Variants in CDK17 observed in about 807,000 individuals in gnomAD.
CDK17 encodes cyclin dependent kinase 17.
In CDK17, 24 loss-of-function variants were observed where a neutral mutation model predicts 77.6. The observed-to-expected ratio is 0.31, with a 90% confidence interval of 0.22 to 0.44. The LOEUF (loss-of-function observed/expected upper bound fraction) is 0.44, where lower values mean the gene tolerates loss of function less well. CDK17 is among the 20% of genes least tolerant of loss of function. The pLI, the probability that CDK17 is intolerant of heterozygous loss-of-function variation, is 1.00. For synonymous variants in CDK17, 203 were observed against 210.4 expected, an observed-to-expected ratio of 0.96 and a Z score of 0.30; for missense variants, 429 against 622.5, an observed-to-expected ratio of 0.69 and a Z score of 3.31.
chr12:96,310,991 C>T, intron 5 of CDK17, 61 bp downstream of exon 5: 1 of 1,509,214 alleles, frequency 6.6e-7, no homozygotes, highest in Non-Finnish European at 8.8e-7. Context: ...ATGTTTACAC[C>T]CAGAAGCAGC....
intron 5 of CDK17, among the ~76,000 whole-genome samples, chr12:96,310,761 T>G (rs576182128): frequency 6.6e-6 from 1 of 150,600 alleles, no homozygotes; most frequent in African/African-American, 2.4e-5. Context: ...CCAGCACATA[T>G]CTAGTGTATC....
intron 9 of CDK17, among the ~76,000 whole-genome samples, chr12:96,296,975 A>T (rs1166669877): frequency 6.6e-6 from 1 of 150,518 alleles, no homozygotes; most frequent in Non-Finnish European, 1.5e-5. Context: ...TTTATTTTGA[A>T]TTTTTTTTTT....
At chr12:96,341,273 T>C (rs1953117489) in intron 1 of CDK17, among the ~76,000 whole-genome samples, 1 of 152,008 alleles carries the variant, frequency 6.6e-6, no homozygotes, top group Admixed American at 6.6e-5. Flanking sequence ...TTTCTGACTC[T>C]ATTCCTCTAT....
At chr12:96,387,612 G>A (rs1445599942) in intron 1 of CDK17, among the ~76,000 whole-genome samples, 1 of 152,130 alleles carries the variant, frequency 6.6e-6, no homozygotes, top group Non-Finnish European at 1.5e-5. Flanking sequence ...TCTTTTGATG[G>A]GTAAACTTTA....
At chr12:96,336,185 G>T (rs1953038294) in intron 1 of CDK17, among the ~76,000 whole-genome samples, 2 of 152,022 alleles carry the variant, frequency 1.3e-5, no homozygotes, top group Non-Finnish European at 2.9e-5. Context: ...AAACCAGCTG[G>T]GCATAGTAGC....
chr12:96,300,196 G>A, intron 6 of CDK17, 108 bp downstream of exon 6: 1 of 747,316 alleles, frequency 1.3e-6, no homozygotes, highest in Non-Finnish European at 2.4e-6. Flanking sequence ...TAATCTTGTA[G>A]ACATCAGTAC....
intron 1 of CDK17, among the ~76,000 whole-genome samples, chr12:96,372,011 T>TG (rs1953703159): frequency 0.044 from 402 of 9,162 alleles, 1 homozygote; most frequent in African/African-American, 0.062. Context: ...GAGTGTGTGT[T>TG]TGTGTGTGTG....
chr12:96,353,615 C>T (rs956993416), intron 1 of CDK17, among the ~76,000 whole-genome samples: 5 of 127,486 alleles, frequency 3.9e-5, no homozygotes, highest in Admixed American at 1.8e-4. Context: ...CGGGGGGGGG[C>T]GCGGGTACAA....
chr12:96,286,813 G>T, intron 11 of CDK17, 52 bp from the exon 12 acceptor site: 1 of 1,445,994 alleles, frequency 6.9e-7, no homozygotes, highest in Non-Finnish European at 9.6e-7. Flanking sequence ...ATATTATGAA[G>T]CACAAGAATC....
chr12:96,313,487 C>A, intron 3 of CDK17, 33 bp from the exon 4 acceptor site: 1 of 1,219,116 alleles, frequency 8.2e-7, no homozygotes, highest in Middle Eastern at 2.1e-4. Context: ...AAAAGAGATA[C>A]ATTATATTCT....
Position 96,316,679 on chromosome 12 carries a change from A to AC in CDK17, c.284-3226dup, listed in dbSNP as rs1168145268. ...CCCCCGAGCAGCCTAACTGTGAGGC[A>AC]CCCCCCAGCAGGGGCACACTGACAC... is the stretch of plus-strand genomic sequence containing the variant. On this transcript the variant is annotated intron_variant, in intron 3 of 16. Coordinates refer to ENST00000261211, the MANE Select transcript of CDK17 (RefSeq NM_002595.5). Among the ~76,000 whole-genome samples the AC allele has an allele frequency of 6.3e-5, 8 of 126,558 alleles. 2 individuals are homozygous for AC. The East Asian group carries it at 1.2e-3, about 19-fold the overall frequency. 83.0% of individuals were successfully genotyped at this position (126,558 alleles called of 152,430 possible).
chr12:96,309,359 T>TTG (rs1952618011), intron 5 of CDK17, among the ~76,000 whole-genome samples: 1 of 152,254 alleles, frequency 6.6e-6, no homozygotes, highest in Admixed American at 6.5e-5. Context: ...AGCTTGTGAT[T>TTG]TGCCAAGGCA....
intron 3 of CDK17, 59 bp from the exon 4 acceptor site, chr12:96,313,513 A>G: frequency 1.0e-6 from 1 of 982,030 alleles, no homozygotes; most frequent in Non-Finnish European, 1.4e-6. Context: ...ATAATTTATT[A>G]TCACTATGGG....
chr12:96,383,297 TA>T (rs1282305905), intron 1 of CDK17, among the ~76,000 whole-genome samples: 2 of 151,688 alleles, frequency 1.3e-5, no homozygotes, highest in African/African-American at 2.4e-5. Context: ...CCATGGTCAT[TA>T]ATTAGAAGAA....
At chr12:96,363,576 G>A (rs1592754556) in intron 1 of CDK17, among the ~76,000 whole-genome samples, 1 of 152,090 alleles carries the variant, frequency 6.6e-6, no homozygotes, top group Admixed American at 6.6e-5. Flanking sequence ...GGCCAGGTGT[G>A]GTGGCTCATG....
chr12:96,399,223 G>C (rs750804795), intron 1 of CDK17: 1 of 152,330 alleles, frequency 6.6e-6, no homozygotes, highest in Non-Finnish European at 1.5e-5. Context: ...CAAAAGCATC[G>C]GGCATAGCAT....
At chr12:96,326,298 T>G (rs1377993805) in intron 2 of CDK17, among the ~76,000 whole-genome samples, 1 of 152,004 alleles carries the variant, frequency 6.6e-6, no homozygotes, top group Non-Finnish European at 1.5e-5. Flanking sequence ...GATCTCAGAG[T>G]GCATAAAACC....
chr12:96,281,599 C>T (rs1196888440), intron 15 of CDK17: 2 of 152,284 alleles, frequency 1.3e-5, no homozygotes, highest in African/African-American at 4.8e-5. Flanking sequence ...GAACTCCTGA[C>T]CTCGTGATCC....
At chr12:96,389,679 A>G (rs1050470483) in intron 1 of CDK17, among the ~76,000 whole-genome samples, 3 of 152,226 alleles carry the variant, frequency 2.0e-5, no homozygotes, top group Non-Finnish European at 4.4e-5. Flanking sequence ...GGAATTTAAA[A>G]AGGCACTGAC....
Sources: gnomAD v4.1 joint callset for allele counts (sites outside exome capture counted in the v4.1 genomes callset) on GRCh38, gnomAD v4.1.1 for gene constraint, MANE v1.5 for transcripts, NCBI Gene and HGNC (gene_info 2026-07-23, HGNC 2026-07-21) for gene names.